The following ZNF419 variants were observed in gnomAD, a reference collection of about 807,000 sequenced individuals.
ZNF419 encodes the protein zinc finger protein 419A.
ZNF419 carries 8 observed loss-of-function variants against 14.9 expected under a neutral mutation model. That is an observed-to-expected ratio of 0.54 (90% CI 0.32 to 0.97). The LOEUF is 0.97. Among genes scored for constraint, ZNF419 ranks in the 50% least tolerant of loss-of-function variants. The pLI is 0.04. For synonymous variants in ZNF419, 211 were observed against 205.3 expected (o/e 1.03, Z -0.24); for missense variants, 595 against 607.2 (o/e 0.98, Z 0.21).
At chr19:57,489,271 GTATT>G (rs2089427772) in intron 1 of ZNF419, 1 of 152,150 alleles carries the variant, frequency 6.6e-6, no homozygotes, top group African/African-American at 2.4e-5. Context: ...TATGAGGTAA[GTATT>G]TAAGCACTAA....
At position 57,494,031 on chromosome 19, in the gene ZNF419, T is replaced by C. The variant is rs765850193; in HGVS notation, c.1474T>C (p.Phe492Leu). 77 of 1,613,112 alleles carry C rather than the reference T, an allele frequency of 4.8e-5. No homozygotes were observed. Among genetic ancestry groups the C allele is most frequent in the Non-Finnish European group, 6.2e-5 (73 of 1,179,756 alleles). Residue 492 changes from phenylalanine to leucine, a missense_variant, in exon 5 of 5, where the codon TTT (phenylalanine) becomes CTT (leucine). Phe to Leu is a conservative substitution (Grantham distance 22). Coordinates refer to ENST00000221735, the MANE Select transcript of ZNF419 (RefSeq NM_024691.4). ...PYECRECGKF[F>L]RHNSSLFKHR... ...TGAGTGCAGGGAATGTGGGAAGTTTTTTCGCCACAACTCCAGTCTTTTTAA... is the reference window on the plus strand; with the variant it reads ...TGAGTGCAGGGAATGTGGGAAGTTTCTTCGCCACAACTCCAGTCTTTTTAA...
rs1303183085 is a variant in ZNF419 at position 57,494,082 on chromosome 19, A to G, written c.1525A>G (p.Met509Val). 1.9e-6 allele frequency: 3 copies of G among 1,595,538 alleles called. No homozygotes were observed. Among genetic ancestry groups the G allele is most frequent in the Middle Eastern group, 1.7e-4 (1 of 5,932 alleles). Residue 509 changes from methionine (M) to valine (V), a missense_variant, in exon 5 of 5, where the codon ATG (methionine) becomes GTG (valine). Coordinates refer to ENST00000221735, the MANE Select transcript of ZNF419 (RefSeq NM_024691.4). ...ACATCGAAGGATTCACACTGGAGAA[A>G]TGCAGTGATTGTGTGAAATCCTTTA... ...FKHRRIHTGE[M>V]Q is the part of the protein sequence containing the mutation.
chr19:57,490,320 C>T, intron 2 of ZNF419, 135 bp downstream of exon 2: 2 of 727,234 alleles, frequency 2.8e-6, no homozygotes, highest in South Asian at 1.6e-5. Context: ...GATGGTCACA[C>T]ACAGTCAGGG....
Position 57,495,725 on chromosome 19 carries a change from C to CAAA in ZNF419, c.*1677_*1679dup, listed in dbSNP as rs532907966. On this transcript the variant is annotated 3_prime_UTR_variant, in exon 5 of 5. Coordinates refer to ENST00000221735, the MANE Select transcript of ZNF419 (RefSeq NM_024691.4). ...TGGGGCACAAAGCCAGACTCTGTCT[C>CAAA]AAAAAAAAAAAAAAAAAAAAAAAAA... The CAAA allele has an allele frequency of 2.4e-4, 12 of 49,190 alleles. 2 individuals carry two copies. The highest frequency in any genetic ancestry group is 3.6e-4 in the Admixed American group (1 of 2,782). 3.0% of individuals were successfully genotyped at this position (49,190 alleles called of 1,614,324 possible).
chr19:57,489,074 G>C (rs1490369499), intron 1 of ZNF419: 3 of 152,300 alleles, frequency 2.0e-5, no homozygotes, highest in Non-Finnish European at 4.4e-5. Context: ...CAGGCTGCTG[G>C]AGCAGCCCCT....
At chr19:57,491,644 T>C in intron 3 of ZNF419, 47 bp downstream of exon 3, 1 of 1,613,972 alleles carries the variant, frequency 6.2e-7, no homozygotes, top group Non-Finnish European at 8.5e-7. Context: ...GGGCTCGGCT[T>C]TTCCTCCTTT....
At chr19:57,489,902 G>A in intron 1 of ZNF419, 1 of 519,122 alleles carries the variant, frequency 1.9e-6, no homozygotes, top group Non-Finnish European at 3.5e-6. Context: ...ATAAGAATGA[G>A]TTTGATACAA....
At chr19:57,490,468 T>G in intron 2 of ZNF419, 1 of 228,256 alleles carries the variant, frequency 4.4e-6, no homozygotes, top group East Asian at 1.0e-4. Flanking sequence ...AATTCTCCTG[T>G]CTGAGCCTCC....
chr19:57,492,500 G>T lies in ZNF419; in HGVS notation c.298+289G>T, dbSNP rs145575932. On this transcript the variant is annotated intron_variant, in intron 4 of 4. Transcript: ENST00000221735. ...CATAGTCCTTGAGCATCAGCTATTT[G>T]GTTGCAGTTGGTTTTTTCTGGACCT... 1.5e-4 allele frequency: 113 copies of T among 764,548 alleles called. No homozygotes were observed. In the East Asian group the frequency reaches 2.6e-3, roughly 18 times the overall value. The allele number at this position is 764,548 out of a possible 1,614,324, so 47.4% of individuals were successfully genotyped here. A position where few individuals can be genotyped will look rare whatever the true frequency, so the allele number is the denominator to read the frequency against.
rs1408790992 is a variant in ZNF419 at position 57,493,688 on chromosome 19, G to A, written c.1131G>A (p.Gly377=). 1 of 1,613,396 alleles carries A rather than the reference G, an allele frequency of 6.2e-7. No individual in the cohort carries two copies. The highest frequency in any genetic ancestry group is 8.5e-7 in the Non-Finnish European group (1 of 1,179,810). ...GERPYKCSDC[G]KFFTQCSSLM... ...GGCCTTACAAGTGCAGCGACTGTGGGAAATTTTTTACCCAATGCTCAAGCC... is the reference window on the plus strand; with the variant it reads ...GGCCTTACAAGTGCAGCGACTGTGGAAAATTTTTTACCCAATGCTCAAGCC... Residue 377 remains glycine, a synonymous_variant, in exon 5 of 5, where the codon GGG becomes GGA. Coordinates refer to ENST00000221735, the MANE Select transcript of ZNF419 (RefSeq NM_024691.4).
chr19:57,491,255 C>T (rs764671044), intron 2 of ZNF419: 3 of 627,290 alleles, frequency 4.8e-6, no homozygotes, highest in Non-Finnish European at 8.3e-6. Flanking sequence ...ACTCTGCATA[C>T]CATGCCCAGA....
intron 4 of ZNF419, 157 bp downstream of exon 4, chr19:57,492,368 T>C (rs747504908): frequency 1.4e-5 from 13 of 900,416 alleles, no homozygotes; most frequent in African/African-American, 4.9e-5. Flanking sequence ...ATGTTTGACC[T>C]AGGGCCATTC....
rs376421059 is a variant in ZNF419 at position 57,493,115 on chromosome 19, A to T, written c.558A>T (p.Ser186=). ...KHQVTHTGEK[S]HRSSKSREAF... ...AGGTGACTCACACAGGAGAGAAGTC[A>T]CATAGGAGCTCCAAAAGTAGGGAGG... Residue 186 remains serine (S), a synonymous_variant, in exon 5 of 5, where the codon TCA becomes TCT. Transcript: ENST00000221735. 6 of 1,614,080 alleles carry T rather than the reference A, an allele frequency of 3.7e-6. No individual in the cohort carries two copies. In the African/African-American group the frequency reaches 8.0e-5, roughly 22 times the overall value.
At chr19:57,490,402 T>C (rs2089455440) in intron 2 of ZNF419, 2 of 352,568 alleles carry the variant, frequency 5.7e-6, no homozygotes, top group Admixed American at 9.1e-5. Context: ...TTGCCCAGGC[T>C]GGAGTGCAAA....
Position 57,493,231 on chromosome 19 carries a change from A to C in ZNF419, c.674A>C (p.His225Pro). The C allele has an allele frequency of 6.2e-7, 1 of 1,614,236 alleles. No homozygotes were observed. The highest frequency in any genetic ancestry group is 8.5e-7 in the Non-Finnish European group (1 of 1,180,024). The change falls in exon 5 of 5, where the codon CAT (histidine) becomes CCT (proline). Residue 225 changes from histidine (H) to proline (P), a missense_variant. By Grantham distance (77) the His-to-Pro change is moderately conservative (BLOSUM62 -2). Transcript: ENST00000221735. ...TTACTTGTTCAGCACCAGAGACTAC[A>C]TGCTGGGAAAAAGACGTATGAATGC... Reference protein sequence around the residue: ...KYLLVQHQRLHAGKKTYECSE... With the variant: ...KYLLVQHQRLPAGKKTYECSE...
rs1182743464 is a variant in ZNF419 at position 57,494,330 on chromosome 19, G to A, written c.*240G>A. 5.6e-6 allele frequency: 3 copies of A among 534,692 alleles called. No individual in the cohort carries two copies. The highest frequency in any genetic ancestry group is 1.9e-5 in the African/African-American group (1 of 52,132). The allele number at this position is 534,692 out of a possible 1,614,324, so 33.1% of individuals were successfully genotyped here. On this transcript the variant is annotated 3_prime_UTR_variant, in exon 5 of 5. Transcript: ENST00000221735. ...GAAAGGCCTTAGGGTGACAGGTTAT[G>A]TACTGTCTCTGAATCAATATGACCT... is the stretch of plus-strand genomic sequence containing the variant.
chr19:57,493,904 C>A lies in ZNF419; in HGVS notation c.1347C>A (p.His449Gln). Residue 449 changes from histidine (H) to glutamine (Q), a missense_variant, in exon 5 of 5, where the codon CAC becomes CAA. Coordinates refer to ENST00000221735, the MANE Select transcript of ZNF419 (RefSeq NM_024691.4). Reference protein sequence around the residue: ...SSTLMQHRKVHIGEKPFKCNE... With the variant: ...SSTLMQHRKVQIGEKPFKCNE... ...CCCTCATGCAACATCGAAAAGTTCA[C>A]ATTGGAGAAAAGCCTTTTAAGTGCA... is the stretch of plus-strand genomic sequence containing the variant. 6.2e-7 allele frequency: 1 copy of A among 1,613,888 alleles called. No homozygotes were observed. The highest frequency in any genetic ancestry group is 8.5e-7 in the Non-Finnish European group (1 of 1,179,998).
rs10602834 is a variant in ZNF419, at chr19:57,489,484, CTTTTTTT to C, written c.34-647_34-641del. The C allele has an allele frequency of 2.0e-4, 17 of 85,406 alleles. No individual in the cohort carries two copies. In the South Asian group the frequency reaches 3.6e-3, roughly 18 times the overall value. The allele number at this position is 85,406 out of a possible 1,614,324, so 5.3% of individuals were successfully genotyped here. A position where few individuals can be genotyped will look rare whatever the true frequency, so the allele number is the denominator to read the frequency against. ...ATATTTTCTTTTTCTTTCTTTCTTT[CTTTTTTT>C]TTTTTTTTTTTTTTTGAGACAGAGT... On this transcript the variant is annotated intron_variant, in intron 1 of 4. Transcript: ENST00000221735.
At chr19:57,491,868 G>A (rs1476660756) in intron 3 of ZNF419, 2 of 669,860 alleles carry the variant, frequency 3.0e-6, no homozygotes, top group African/African-American at 1.9e-5. Context: ...CTGTGGCCTG[G>A]TGACACTGTG....
Sources: allele counts gnomAD v4.1 joint callset, GRCh38; gene constraint gnomAD v4.1.1; transcripts MANE v1.5; gene names NCBI Gene and HGNC (gene_info 2026-07-23, HGNC 2026-07-21).